The following CFAP43 variants were observed in gnomAD, a reference collection of about 807,000 sequenced individuals.
CFAP43 encodes cilia and flagella associated protein 43.
In CFAP43, 155 loss-of-function variants were observed where a neutral mutation model predicts 218.9. The observed-to-expected ratio is 0.71, with a 90% CI of 0.62 to 0.81. CFAP43 has a LOEUF of 0.81. CFAP43 is among the 30% of genes least tolerant of loss of function. The pLI is 0.00. For missense variants in CFAP43, 1,778 were observed against 1,954.3 expected (o/e 0.91, Z 1.70); for synonymous variants, 645 against 681.3 (o/e 0.95, Z 0.83).
chr10:104,141,563 A>G (rs896502772), intron 33 of CFAP43, among the ~76,000 whole-genome samples: 4 of 152,176 alleles, frequency 2.6e-5, no homozygotes, highest in African/African-American at 9.7e-5. Flanking sequence ...GTGAGCCCAG[A>G]TCGTGCCACT....
Position 104,182,413 on chromosome 10 carries a change from T to C in CFAP43, c.2242A>G (p.Thr748Ala). Residue 748 changes from threonine (T) to alanine (A), a missense_variant, in exon 17 of 38, where the codon ACA becomes GCA. By Grantham distance (58) the Thr-to-Ala change is moderately conservative. Coordinates refer to ENST00000357060, the MANE Select transcript of CFAP43 (RefSeq NM_025145.7). ...AAATCTACGGAAACTTTTGGTGTTG[T>C]GCTTAAATAATGATTCTCCTTGTCC... ...AMDKENHYLS[T>A]TPKVSVDLGS... The C allele has an allele frequency of 1.6e-5, 25 of 1,612,048 alleles. No individual in the cohort carries two copies. Among genetic ancestry groups the C allele is most frequent in the Non-Finnish European group, 2.1e-5 (25 of 1,179,342 alleles).
chr10:104,198,076 T>G (rs963089257), intron 8 of CFAP43, 38 bp from the exon 9 acceptor site: 2 of 1,267,668 alleles, frequency 1.6e-6, no homozygotes, highest in Middle Eastern at 3.8e-4. Flanking sequence ...ACATTGTAAT[T>G]GTTGTGTATA....
At chr10:104,205,821 A>G (rs1206051624) in intron 7 of CFAP43, 142 bp downstream of exon 7, 3 of 714,350 alleles carry the variant, frequency 4.2e-6, no homozygotes, top group Non-Finnish European at 7.2e-6. Flanking sequence ...ATCCTTTTTA[A>G]TAGTACCCAA....
intron 31 of CFAP43, 79 bp from the exon 32 acceptor site, chr10:104,143,718 C>CA: frequency 7.5e-7 from 1 of 1,339,196 alleles, no homozygotes; most frequent in South Asian, 1.3e-5. Context: ...GCCCTTAGCA[C>CA]AGGCATAACA....
intron 20 of CFAP43, among the ~76,000 whole-genome samples, chr10:104,170,548 AG>A (rs2089366849): frequency 6.6e-6 from 1 of 152,116 alleles, no homozygotes; most frequent in Non-Finnish European, 1.5e-5. Context: ...GCAGAATAGC[AG>A]GGGGCATTCC....
rs765658661 is a variant in CFAP43, at chr10:104,232,298, C to T, written c.-52G>A. On this transcript the variant is annotated 5_prime_UTR_variant, in exon 1 of 38. Transcript: ENST00000357060. ...AGGCAGCGCACGCAGCACCCCAGGG[C>T]GGGTCGGTTACCTTTCCGCCGCCGC... The T allele has an allele frequency of 4.4e-4, 660 of 1,510,268 alleles. 9 individuals are homozygous for T. The Admixed American group carries it at 0.014, about 32-fold the overall frequency. The allele number at this position is 1,510,268 out of a possible 1,614,324, so 93.6% of individuals were successfully genotyped here.
At chr10:104,132,897 A>G (rs2134726189) in intron 35 of CFAP43, 1 of 685,044 alleles carries the variant, frequency 1.5e-6, no homozygotes, top group Non-Finnish European at 1.8e-6. Flanking sequence ...CATAGATATG[A>G]TTGGTTGCCA....
intron 3 of CFAP43, among the ~76,000 whole-genome samples, chr10:104,218,488 C>T (rs1238258515): frequency 6.6e-6 from 1 of 151,632 alleles, no homozygotes; most frequent in Non-Finnish European, 1.5e-5. Flanking sequence ...CAAGGCATCT[C>T]AAGGCACATT....
chr10:104,211,121 G>T (rs904965572), intron 5 of CFAP43, among the ~76,000 whole-genome samples: 2 of 152,058 alleles, frequency 1.3e-5, no homozygotes, highest in Non-Finnish European at 1.5e-5. Context: ...TAGCTTAAGT[G>T]TCATCTCCCC....
chr10:104,210,549 T>C (rs1013662311), intron 5 of CFAP43, among the ~76,000 whole-genome samples: 1 of 151,644 alleles, frequency 6.6e-6, no homozygotes, highest in Admixed American at 6.6e-5. Context: ...AACACAAGGG[T>C]AAAGCATAGC....
chr10:104,142,322 C>T lies in CFAP43; in HGVS notation c.4230G>A (p.Lys1410=), dbSNP rs746766147. The change falls in exon 33 of 38, where the codon AAG becomes AAA. Residue 1410 remains lysine, a synonymous_variant. Coordinates refer to ENST00000357060, the MANE Select transcript of CFAP43 (RefSeq NM_025145.7). ...FLQKRVEEEE[K]VQQEIERVFH... Reference sequence around the variant, plus strand: ...ACACTCTCTCAATCTCCTGTTGCACCTTCTCTTCCTCCTCAACTCTCTTCT... The same window carrying T: ...ACACTCTCTCAATCTCCTGTTGCACTTTCTCTTCCTCCTCAACTCTCTTCT... The T allele has an allele frequency of 4.1e-5, 66 of 1,613,382 alleles. No individual in the cohort carries two copies. In the Middle Eastern group the frequency reaches 4.9e-4, roughly 12 times the overall value.
rs1455112469 is a variant in CFAP43, at chr10:104,232,202, G to A, written c.45C>T (p.Gly15=). The A allele has an allele frequency of 6.2e-7, 1 of 1,609,400 alleles. No individual in the cohort carries two copies. Among genetic ancestry groups the A allele is most frequent in the Non-Finnish European group, 8.5e-7 (1 of 1,178,518 alleles). ...CGCACCTCACGGACAAGGACGCGCCGCCGGCGGAGTGGGGGCCTTCGTCGC... is the reference window on the plus strand; with the variant it reads ...CGCACCTCACGGACAAGGACGCGCCACCGGCGGAGTGGGGGCCTTCGTCGC... ...RERDEGPHSA[G]GASLSVRWVQ... The change falls in exon 1 of 38, where the codon GGC becomes GGT. Residue 15 remains glycine (G), a synonymous_variant. Coordinates refer to ENST00000357060, the MANE Select transcript of CFAP43 (RefSeq NM_025145.7).
intron 20 of CFAP43, among the ~76,000 whole-genome samples, chr10:104,169,768 G>A (rs2089329814): frequency 6.6e-6 from 1 of 151,948 alleles, no homozygotes; most frequent in Admixed American, 6.6e-5. Context: ...TTTTGATTCT[G>A]ATCCAGTGAG....
chr10:104,143,374 T>C (rs1489149197), intron 32 of CFAP43, 52 bp downstream of exon 32: 9 of 1,484,292 alleles, frequency 6.1e-6, no homozygotes, highest in Non-Finnish European at 7.3e-6. Context: ...ATGTAAACTA[T>C]GTATTTGATA....
intron 20 of CFAP43, among the ~76,000 whole-genome samples, 172 bp from the exon 21 acceptor site, chr10:104,169,020 T>C (rs1221953443): frequency 6.6e-6 from 1 of 152,190 alleles, no homozygotes; most frequent in African/African-American, 2.4e-5. Flanking sequence ...GGGAAACACA[T>C]CTCTGCCTTT....
In CFAP43 at chr10:104,230,670, A is replaced by G. The variant is rs774129475; in HGVS notation, c.239T>C (p.Val80Ala). The change falls in exon 2 of 38, where the codon GTG becomes GCG. Residue 80 changes from valine to alanine, a missense_variant. Val to Ala is a moderately conservative substitution (Grantham distance 64). Around this residue, in one of 3 missense-constraint regions of CFAP43, gnomAD observed 1,553 missense variants for 1,685.2 expected, o/e 0.92. Coordinates refer to ENST00000357060, the MANE Select transcript of CFAP43 (RefSeq NM_025145.7). ...TTTTAGCTTCCGGTCAGAAAAAGCC[A>G]CAACTTCACAGGGGATGTTAGTTGC... ...VMATNIPCEV[V>A]AFSDRKLKPL... 7 of 1,614,036 alleles carry G rather than the reference A, an allele frequency of 4.3e-6. No individual in the cohort carries two copies. Among genetic ancestry groups the G allele is most frequent in the Non-Finnish European group, 5.9e-6 (7 of 1,180,036 alleles).
intron 26 of CFAP43, among the ~76,000 whole-genome samples, chr10:104,161,727 C>T (rs1002446482): frequency 1.3e-5 from 2 of 152,094 alleles, no homozygotes; most frequent in African/African-American, 4.8e-5. Flanking sequence ...AACTCCTAGC[C>T]TCCTGCCTTG....
At chr10:104,138,359 G>T (rs1315815706) in intron 34 of CFAP43, among the ~76,000 whole-genome samples, 1 of 152,138 alleles carries the variant, frequency 6.6e-6, no homozygotes, top group African/African-American at 2.4e-5. Flanking sequence ...ACAAAACTGA[G>T]AAACTGTCAC....
intron 11 of CFAP43, 172 bp downstream of exon 11, chr10:104,193,694 T>G: frequency 5.0e-6 from 4 of 803,262 alleles, no homozygotes; most frequent in Non-Finnish European, 7.3e-6. Flanking sequence ...GTATGGGGGG[T>G]ACTTTACTAC....
Sources: gnomAD v4.1 joint callset for allele counts (sites outside exome capture counted in the v4.1 genomes callset) on GRCh38, gnomAD v4.1.1 for gene constraint, gnomAD v4.1.1 regional missense constraint, MANE v1.5 for transcripts, NCBI Gene and HGNC (gene_info 2026-07-23, HGNC 2026-07-21) for gene names.